The following COPS9 variants were observed in gnomAD, a reference collection of about 807,000 sequenced individuals.
The protein encoded by COPS9 is COP9 signalosome complex subunit 9.
In COPS9, 8 loss-of-function variants were observed where a neutral mutation model predicts 7.2. That is an observed-to-expected ratio of 1.11 (90% CI 0.65 to 2.00). The LOEUF is 2.00. Ranked by LOEUF, COPS9 falls within the 30% of genes most tolerant of loss-of-function variation. COPS9 has a pLI of 0.00. For missense variants in COPS9, 74 were observed against 77.7 expected, an observed-to-expected ratio of 0.95 and a Z score of 0.18; for synonymous variants, 39 against 28.7, an observed-to-expected ratio of 1.36 and a Z score of -1.14.
chr2:240,135,474 G>C (rs1265917284), intron 1 of COPS9, among the ~76,000 whole-genome samples: 1 of 152,136 alleles, frequency 6.6e-6, no homozygotes, highest in Non-Finnish European at 1.5e-5. Flanking sequence ...CCTAAGCTTT[G>C]AGAAAGAGCA....
downstream of COPS9, among the ~76,000 whole-genome samples, chr2:240,129,413 G>C (rs1396683748): frequency 6.6e-6 from 1 of 151,988 alleles, no homozygotes; most frequent in Admixed American, 6.6e-5. Flanking sequence ...TGACCCTCCC[G>C]CCTCACCCTC....
At chr2:240,130,652 G>T (rs532990163), downstream of COPS9, among the ~76,000 whole-genome samples, 6 of 152,250 alleles carry the variant, frequency 3.9e-5, no homozygotes, top group Admixed American at 2.0e-4. Context: ...CACGGGCCGC[G>T]CTGCCTCCTG....
rs56139357 is a variant in COPS9 at position 240,132,975 on chromosome 2, G to A, written c.136+958C>T. On this transcript the variant is annotated intron_variant, in intron 2 of 2. Transcript: ENST00000607357. The surrounding 1 kb of genome is among the most constrained non-coding windows in gnomAD (Gnocchi z 4.1). ...TGGTAGCAGTAAGAATGCTGCCTCA[G>A]GGGCATGGCCAGGCACCCTGGGAAA... Among the ~76,000 whole-genome samples, 2 of 152,216 alleles carry A rather than the reference G, an allele frequency of 1.3e-5. No individual in the cohort carries two copies. The highest frequency in any genetic ancestry group is 2.9e-5 in the Non-Finnish European group (2 of 68,038).
At position 240,134,003 on chromosome 2, in the gene COPS9, C is replaced by T. The variant is rs751473127; in HGVS notation, c.66G>A (p.Ala22=). 1.7e-5 allele frequency: 27 copies of T among 1,613,964 alleles called. No individual in the cohort carries two copies. Among genetic ancestry groups the T allele is most frequent in the Middle Eastern group, 3.3e-4 (2 of 6,082 alleles). ...GAGPYVDLDE[A]GGSTGLLMDL... Reference sequence around the variant, plus strand: ...CCATCAAGAGCCCGGTGCTGCCTCCCGCCTGGGGAATGGAAAGGCAAGGTT... The same window carrying T: ...CCATCAAGAGCCCGGTGCTGCCTCCTGCCTGGGGAATGGAAAGGCAAGGTT... Residue 22 remains alanine, a splice_region_variant and synonymous_variant, in exon 2 of 3, where the codon GCG becomes GCA. Coordinates refer to ENST00000607357, the MANE Select transcript of COPS9 (RefSeq NM_001163424.2).
intron 1 of COPS9, 193 bp downstream of exon 1, chr2:240,136,029 G>A (rs940488805): frequency 1.6e-5 from 15 of 918,070 alleles, no homozygotes; most frequent in Non-Finnish European, 2.1e-5. Context: ...TTCCCGCCGC[G>A]GTCGGTCGCC....
chr2:240,127,928 AG>A (rs1344662544), downstream of COPS9, among the ~76,000 whole-genome samples: 1 of 152,010 alleles, frequency 6.6e-6, no homozygotes, highest in East Asian at 1.9e-4. Context: ...CTCTGATGGC[AG>A]GCCACTCACA....
At position 240,136,231 on chromosome 2, in the gene COPS9, G is replaced by A. The variant is rs1415245208; in HGVS notation, c.54C>T (p.Asp18=). ...GCCGGGCCCGTGCCACCTCGTCCAG[G>A]TCCACGTAGGGCCCGGCGCCCTCGG... The part of the protein sequence containing the change: ...MFPEGAGPYV[D]LDEAGGSTGL... The change falls in exon 1 of 3, where the codon GAC becomes GAT. Residue 18 remains aspartate, a synonymous_variant. Coordinates refer to ENST00000607357, the MANE Select transcript of COPS9 (RefSeq NM_001163424.2). 7.7e-6 allele frequency: 12 copies of A among 1,559,720 alleles called. No homozygotes were observed. The highest frequency in any genetic ancestry group is 1.4e-5 in the African/African-American group (1 of 70,438).
In COPS9 at chr2:240,132,572, A is replaced by G. The variant is rs1289924059; in HGVS notation, c.136+1361T>C. Among the ~76,000 whole-genome samples, 1 of 152,210 alleles carries G rather than the reference A, an allele frequency of 6.6e-6. No homozygotes were observed. Among genetic ancestry groups the G allele is most frequent in the Admixed American group, 6.5e-5 (1 of 15,286 alleles). ...GACGGGTAGGACCTGGGTCCCTCTC[A>G]GAGATGCTTTCCCGTCAGGATTCAA... On this transcript the variant is annotated intron_variant, in intron 2 of 2. Coordinates refer to ENST00000607357, the MANE Select transcript of COPS9 (RefSeq NM_001163424.2). This position sits in a 1 kb window ranked among gnomAD's most constrained non-coding sequence, Gnocchi z 4.1.
downstream of COPS9, chr2:240,129,948 C>A (rs369268715): frequency 5.6e-6 from 9 of 1,614,034 alleles, no homozygotes; most frequent in East Asian, 1.6e-4. Flanking sequence ...TGCCTTCCCA[C>A]GGACCCCGTG....
At position 240,131,692 on chromosome 2, in the gene COPS9, C is replaced by T. The variant is rs560503995; in HGVS notation, c.137-604G>A. The stretch of plus-strand genomic sequence containing the variant: ...TGCTTTGGGTGATCAAAATCAGGCC[C>T]CCCAGGAAAGATTTTGTCCTTCTGT... On this transcript the variant is annotated intron_variant, in intron 2 of 2. Coordinates refer to ENST00000607357, the MANE Select transcript of COPS9 (RefSeq NM_001163424.2). Among the ~76,000 whole-genome samples, 70 of 152,298 alleles carry T rather than the reference C, an allele frequency of 4.6e-4. 1 individual carries two copies. In the South Asian group the frequency reaches 0.015, roughly 32 times the overall value.
downstream of COPS9, chr2:240,126,586 G>A (rs1313837260): frequency 9.9e-6 from 16 of 1,613,998 alleles, no homozygotes; most frequent in Non-Finnish European, 1.3e-5. Flanking sequence ...ATGCATGGCT[G>A]TGTGGTCTTC....
chr2:240,127,032 C>G, downstream of COPS9: 1 of 1,467,526 alleles, frequency 6.8e-7, no homozygotes, highest in Non-Finnish European at 9.2e-7. Flanking sequence ...GTCATTCTGT[C>G]CAGTGAGAAG....
chr2:240,134,167 G>A, intron 1 of COPS9, 162 bp from the exon 2 acceptor site: 1 of 617,744 alleles, frequency 1.6e-6, no homozygotes, highest in Non-Finnish European at 2.9e-6. Context: ...AATGTGTATT[G>A]GGGGGAGGGG....
At chr2:240,130,330 G>C (rs1294968073), downstream of COPS9, among the ~76,000 whole-genome samples, 1 of 152,236 alleles carries the variant, frequency 6.6e-6, no homozygotes, top group African/African-American at 2.4e-5. Context: ...ATGTCAAACA[G>C]CAACTTCACT....
In COPS9 at chr2:240,132,572, A is replaced by C. The variant is rs1289924059; in HGVS notation, c.136+1361T>G. On this transcript the variant is annotated intron_variant, in intron 2 of 2. Transcript: ENST00000607357. This position sits in a 1 kb window ranked among gnomAD's most constrained non-coding sequence, Gnocchi z 4.1. ...GACGGGTAGGACCTGGGTCCCTCTC[A>C]GAGATGCTTTCCCGTCAGGATTCAA... Among the ~76,000 whole-genome samples, 1 of 152,210 alleles carries C rather than the reference A, an allele frequency of 6.6e-6. No homozygotes were observed. The highest frequency in any genetic ancestry group is 1.5e-5 in the Non-Finnish European group (1 of 68,028).
At chr2:240,126,896 C>A (rs79464938), downstream of COPS9, 1 of 1,614,094 alleles carries the variant, frequency 6.2e-7, no homozygotes, top group Non-Finnish European at 8.5e-7. Context: ...TGCTCCCAAA[C>A]GCTCTGTCCA....
chr2:240,126,833 A>T, downstream of COPS9: 1 of 1,614,052 alleles, frequency 6.2e-7, no homozygotes, highest in Non-Finnish European at 8.5e-7. Context: ...CACACAGCGG[A>T]TGTTCTCTGC....
At chr2:240,136,066 C>T (rs931482806) in intron 1 of COPS9, 156 bp downstream of exon 1, 1 of 1,195,572 alleles carries the variant, frequency 8.4e-7, no homozygotes, top group South Asian at 2.0e-5. Context: ...TCGGAGAAAC[C>T]GGGATTTGCT....
intron 1 of COPS9, among the ~76,000 whole-genome samples, chr2:240,135,332 C>T (rs528911944): frequency 2.0e-5 from 3 of 152,274 alleles, no homozygotes; most frequent in Non-Finnish European, 2.9e-5. Flanking sequence ...TTGCTGAGCC[C>T]CCTCAAAGCC....
Sources: allele counts gnomAD v4.1 joint callset (sites outside exome capture counted in the v4.1 genomes callset), GRCh38; gene constraint gnomAD v4.1.1; non-coding constraint Gnocchi (gnomAD v3.1); transcripts MANE v1.5; gene names NCBI Gene and HGNC (gene_info 2026-07-23, HGNC 2026-07-21).